TIRAP: variants seen among roughly 807,000 people sequenced by gnomAD.
TIRAP encodes the protein TIR domain containing adaptor protein.
Under a neutral mutation model 19.8 loss-of-function variants are expected in TIRAP, and 20 were observed. That is an observed-to-expected ratio of 1.01 (90% CI 0.71 to 1.47). The LOEUF (loss-of-function observed/expected upper bound fraction) is 1.47. TIRAP is among the 40% of genes most tolerant of loss of function. The pLI, the probability that TIRAP is intolerant of heterozygous loss-of-function variation, is 0.00. For missense variants in TIRAP, 276 were observed against 285.1 expected (o/e 0.97, Z 0.23); for synonymous variants, 125 against 121.7 (o/e 1.03, Z -0.18).
intron 1 of TIRAP, among the ~76,000 whole-genome samples, chr11:126,286,486 A>C (rs1951324037): frequency 6.6e-6 from 1 of 152,226 alleles, no homozygotes. Flanking sequence ...TCAAGCTATA[A>C]ATGAATTATA....
At chr11:126,283,368 G>A (rs1377945287) in intron 1 of TIRAP, among the ~76,000 whole-genome samples, 1 of 152,212 alleles carries the variant, frequency 6.6e-6, no homozygotes, top group Non-Finnish European at 1.5e-5. Flanking sequence ...GCATGAAAGG[G>A]CCCTCCGAGG....
At position 126,290,492 on chromosome 11, in the gene TIRAP, G is replaced by A. The variant is rs1253845285; in HGVS notation, c.-186G>A. 2 of 1,001,878 alleles carry A rather than the reference G, an allele frequency of 2.0e-6. No homozygotes were observed. The highest frequency in any genetic ancestry group is 2.1e-4 in the East Asian group (2 of 9,656). The allele number at this position is 1,001,878 out of a possible 1,614,324, so 62.1% of individuals were successfully genotyped here. A position where few individuals can be genotyped will look rare whatever the true frequency, so the allele number is the denominator to read the frequency against. On this transcript the variant is annotated 5_prime_UTR_variant, in exon 2 of 5. Coordinates refer to ENST00000392679, the MANE Select transcript of TIRAP (RefSeq NM_001318777.2). This position sits in a 1 kb window ranked among gnomAD's most constrained non-coding sequence, Gnocchi z 4.9. The stretch of plus-strand genomic sequence containing the variant: ...ACATAGGAAGTCCTTCTAAAGAGCT[G>A]CCTGCCAGCTGCCCTTCCCCAGATC...
In TIRAP at chr11:126,294,833, C is replaced by G; in HGVS notation, c.*1146C>G. On this transcript the variant is annotated 3_prime_UTR_variant, in exon 5 of 5. Transcript: ENST00000392679. ...CTATTTTGCCAGGCGCCATGGCTCACACCTGTAATCTCAGCACTTTGGGAG... is the reference window on the plus strand; with the variant it reads ...CTATTTTGCCAGGCGCCATGGCTCAGACCTGTAATCTCAGCACTTTGGGAG... 3.7e-6 allele frequency: 1 copy of G among 269,606 alleles called. No individual in the cohort carries two copies. The allele number at this position is 269,606 out of a possible 1,614,324, so 16.7% of individuals were successfully genotyped here.
chr11:126,289,657 T>G, intron 1 of TIRAP: 10 of 985,428 alleles, frequency 1.0e-5, no homozygotes, highest in Non-Finnish European at 1.2e-5. Context: ...TTTGTTTTGA[T>G]CTCACAGATC....
chr11:126,290,990 T>G lies in TIRAP; in HGVS notation c.67+29T>G, dbSNP rs1951377419. 6.3e-7 allele frequency: 1 copy of G among 1,590,146 alleles called. No individual in the cohort carries two copies. The highest frequency in any genetic ancestry group is 2.3e-5 in the East Asian group (1 of 44,310). ...AGTGGAACCGGACTCGCGACTCTGC[T>G]GTGTTCCTGAGTGTAGTGCTCAGCC... On this transcript the variant is annotated intron_variant, in intron 3 of 4. Transcript: ENST00000392679. The surrounding 1 kb of genome is among the most constrained non-coding windows in gnomAD (Gnocchi z 4.9).
At chr11:126,293,252 C>A in intron 4 of TIRAP, 197 bp downstream of exon 4, 1 of 973,580 alleles carries the variant, frequency 1.0e-6, no homozygotes, top group South Asian at 1.4e-5. Flanking sequence ...CCGCTCTGTG[C>A]CTTGGTTTCC....
In TIRAP at chr11:126,292,801, C is replaced by A; in HGVS notation, c.392C>A (p.Ser131Tyr). ...RDATPGGAIV[S>Y]ELCQALSSSH... ...GCAACCCCAGGCGGCGCTATAGTGT[C>A]CGAGCTGTGCCAGGCACTGAGCAGT... Residue 131 changes from serine (S) to tyrosine (Y), a missense_variant, in exon 4 of 5, where the codon TCC (serine) becomes TAC (tyrosine). By Grantham distance (144) the Ser-to-Tyr change is moderately radical. Transcript: ENST00000392679. 6.2e-7 allele frequency: 1 copy of A among 1,612,888 alleles called. No homozygotes were observed.
At position 126,290,812 on chromosome 11, in the gene TIRAP, T is replaced by C. The variant is rs980215485; in HGVS notation, c.-83T>C. 2.0e-6 allele frequency: 3 copies of C among 1,523,366 alleles called. No homozygotes were observed. Among genetic ancestry groups the C allele is most frequent in the Middle Eastern group, 3.4e-4 (2 of 5,878 alleles). The allele number at this position is 1,523,366 out of a possible 1,614,324, so 94.4% of individuals were successfully genotyped here. A position where few individuals can be genotyped will look rare whatever the true frequency, so the allele number is the denominator to read the frequency against. ...TCTCTACCCTCTGTAGGATGGCTGCTCCATGAGGTCAAGACTGGGTCTCCT... is the reference window on the plus strand; with the variant it reads ...TCTCTACCCTCTGTAGGATGGCTGCCCCATGAGGTCAAGACTGGGTCTCCT... On this transcript the variant is annotated 5_prime_UTR_variant, in exon 3 of 5. Transcript: ENST00000392679. The surrounding 1 kb of genome is among the most constrained non-coding windows in gnomAD (Gnocchi z 4.9).
At chr11:126,284,962 C>T (rs1320698060) in intron 1 of TIRAP, among the ~76,000 whole-genome samples, 4 of 151,986 alleles carry the variant, frequency 2.6e-5, no homozygotes, top group Non-Finnish European at 4.4e-5. Context: ...ACTTCTCCAC[C>T]GGCAGTGTTC....
chr11:126,283,316 G>T (rs1057071925), intron 1 of TIRAP, among the ~76,000 whole-genome samples, 163 bp downstream of exon 1: 9 of 152,090 alleles, frequency 5.9e-5, no homozygotes, highest in Non-Finnish European at 1.0e-4. Context: ...CGGCACATCC[G>T]CTTCCCTTCT....
Position 126,290,589 on chromosome 11 carries a change from A to G in TIRAP, c.-93+4A>G, listed in dbSNP as rs945088897. 6.2e-6 allele frequency: 7 copies of G among 1,134,706 alleles called. No individual in the cohort carries two copies. The Admixed American group carries it at 2.1e-4, about 33-fold the overall frequency. The allele number at this position is 1,134,706 out of a possible 1,614,324, so 70.3% of individuals were successfully genotyped here. ...GGTCATGCTGAGCTCATACCCTGTA[A>G]GTCTGACCACACTACACAGCTTTGG... On this transcript the variant is annotated splice_donor_region_variant and intron_variant, in intron 2 of 4. Coordinates refer to ENST00000392679, the MANE Select transcript of TIRAP (RefSeq NM_001318777.2). The surrounding 1 kb of genome is among the most constrained non-coding windows in gnomAD (Gnocchi z 4.9).
chr11:126,284,127 TG>T (rs1951288825), intron 1 of TIRAP, among the ~76,000 whole-genome samples: 1 of 150,528 alleles, frequency 6.6e-6, no homozygotes, highest in African/African-American at 2.4e-5. Context: ...GCCTCCGCCT[TG>T]TGGGTTCAAG....
intron 1 of TIRAP, among the ~76,000 whole-genome samples, chr11:126,285,623 T>G (rs1951313113): frequency 6.6e-6 from 1 of 152,130 alleles, no homozygotes; most frequent in African/African-American, 2.4e-5. Flanking sequence ...CCTATTTATG[T>G]CTTTTGATGA....
rs1466375654 is a variant in TIRAP, at chr11:126,291,493, C to T, written c.67+532C>T. ...CGGCTCCCTGACATACCTGACACTG[C>T]ATTATCTCAGTTAACTTTCAGCAAC... is the stretch of plus-strand genomic sequence containing the variant. On this transcript the variant is annotated intron_variant, in intron 3 of 4. Transcript: ENST00000392679. This position sits in a 1 kb window ranked among gnomAD's most constrained non-coding sequence, Gnocchi z 5.6. 9.1e-7 allele frequency: 1 copy of T among 1,101,280 alleles called. No individual in the cohort carries two copies. Among genetic ancestry groups the T allele is most frequent in the Non-Finnish European group, 1.2e-6 (1 of 810,966 alleles). 68.2% of individuals were successfully genotyped at this position (1,101,280 alleles called of 1,614,324 possible). A position where few individuals can be genotyped will look rare whatever the true frequency, so the allele number is the denominator to read the frequency against.
chr11:126,291,357 G>A lies in TIRAP; in HGVS notation c.67+396G>A. Reference sequence around the variant, plus strand: ...TCTGTCCTTATCAAAGGCTGGGGAAGCTGTTTTCATCTCCTTATGGAGTCC... The same window carrying A: ...TCTGTCCTTATCAAAGGCTGGGGAAACTGTTTTCATCTCCTTATGGAGTCC... On this transcript the variant is annotated intron_variant, in intron 3 of 4. Coordinates refer to ENST00000392679, the MANE Select transcript of TIRAP (RefSeq NM_001318777.2). The surrounding 1 kb of genome is among the most constrained non-coding windows in gnomAD (Gnocchi z 5.6). 1 of 968,110 alleles carries A rather than the reference G, an allele frequency of 1.0e-6. No individual in the cohort carries two copies. The highest frequency in any genetic ancestry group is 1.4e-6 in the Non-Finnish European group (1 of 690,002). 60.0% of individuals were successfully genotyped at this position (968,110 alleles called of 1,614,324 possible).
chr11:126,293,486 A>G (rs1185740982), intron 4 of TIRAP, 182 bp from the exon 5 acceptor site: 1 of 800,098 alleles, frequency 1.2e-6, no homozygotes. Context: ...ACATTGGTTT[A>G]GTAAGGCAAA....
intron 1 of TIRAP, among the ~76,000 whole-genome samples, chr11:126,284,325 C>G (rs1177920778): frequency 4.6e-5 from 7 of 152,104 alleles, no homozygotes; most frequent in Non-Finnish European, 1.0e-4. Flanking sequence ...TGAACCACTG[C>G]GCCCAGCCCT....
rs984254901 is a variant in TIRAP, at chr11:126,290,905, C to T, written c.11C>T (p.Ser4Leu). 20 of 1,605,956 alleles carry T rather than the reference C, an allele frequency of 1.2e-5. No individual in the cohort carries two copies. Among genetic ancestry groups the T allele is most frequent in the Non-Finnish European group, 1.6e-5 (19 of 1,175,722 alleles). MAS[S>L]TSLPAPGSRP... The stretch of plus-strand genomic sequence containing the variant: ...TTTGACCCCCACGCTATGGCATCAT[C>T]GACCTCCCTCCCAGCTCCTGGCTCT... Residue 4 changes from serine to leucine, a missense_variant, in exon 3 of 5, where the codon TCG (serine) becomes TTG (leucine). Physicochemically the swap from Ser to Leu is moderately radical, Grantham distance 145. Coordinates refer to ENST00000392679, the MANE Select transcript of TIRAP (RefSeq NM_001318777.2). The surrounding 1 kb of genome is among the most constrained non-coding windows in gnomAD (Gnocchi z 4.9).
At position 126,293,040 on chromosome 11, in the gene TIRAP, G is replaced by T; in HGVS notation, c.631G>T (p.Glu211Ter). ...GPDGGFRQVK[E>*]AVMRYLQTLS ...TGATGGTGGCTTTCGTCAAGTCAAA[G>T]AAGCTGTCATGCGTTGTAAGCTACT... is the stretch of plus-strand genomic sequence containing the variant. The change falls in exon 4 of 5, where the codon GAA becomes TAA. Residue 211 changes from glutamate to a stop codon, truncating the protein, a stop_gained. Coordinates refer to ENST00000392679, the MANE Select transcript of TIRAP (RefSeq NM_001318777.2). LOFTEE classifies it high-confidence loss of function. The T allele has an allele frequency of 1.2e-6, 2 of 1,614,230 alleles. No homozygotes were observed. Among genetic ancestry groups the T allele is most frequent in the Non-Finnish European group, 1.7e-6 (2 of 1,180,044 alleles).
Sources: allele counts gnomAD v4.1 joint callset (sites outside exome capture counted in the v4.1 genomes callset), GRCh38; gene constraint gnomAD v4.1.1; non-coding constraint Gnocchi (gnomAD v3.1); transcripts MANE v1.5; gene names NCBI Gene and HGNC (gene_info 2026-07-23, HGNC 2026-07-21).